Variants in PPP1R3E observed in about 807,000 individuals in gnomAD.
PPP1R3E encodes the protein protein phosphatase 1 regulatory subunit 3E.
PPP1R3E carries 20 observed loss-of-function variants against 18.5 expected under a neutral mutation model. The observed-to-expected ratio is 1.08, with a 90% CI of 0.76 to 1.58. The LOEUF (loss-of-function observed/expected upper bound fraction) is 1.58, where lower values mean the gene tolerates loss of function less well. Among genes scored for constraint, PPP1R3E ranks in the 40% most tolerant of loss-of-function variants. The pLI, the probability that PPP1R3E is intolerant of heterozygous loss-of-function variation, is 0.00. For synonymous variants in PPP1R3E, 208 were observed against 208.1 expected (o/e 1.00, Z 0.00); for missense variants, 498 against 460.2 (o/e 1.08, Z -0.75).
At position 23,297,754 on chromosome 14, in the gene PPP1R3E, T is replaced by A. The variant is rs1886916563; in HGVS notation, c.*1550A>T. The A allele has an allele frequency of 6.6e-6, 1 of 152,202 alleles. No homozygotes were observed. The allele number at this position is 152,202 out of a possible 1,614,324, so 9.4% of individuals were successfully genotyped here. A position where few individuals can be genotyped will look rare whatever the true frequency, so the allele number is the denominator to read the frequency against. ...GGCAACTAACAGCTTACCGAAGCCC[T>A]GGGGCAGCTTGATATGGGAATAATC... On this transcript the variant is annotated 3_prime_UTR_variant, in exon 5 of 5. Coordinates refer to ENST00000452015, the MANE Select transcript of PPP1R3E (RefSeq NM_001276318.2).
chr14:23,302,326 G>T lies in PPP1R3E; in HGVS notation c.251C>A (p.Thr84Asn). ...ARAPRSRSPD[T>N]RKRVRFADAL... ...GTCGGCGAAACGCACTCTCTTGCGGGTGTCTGGGCTACGGCTGCGGGGCGC... is the reference window on the plus strand; with the variant it reads ...GTCGGCGAAACGCACTCTCTTGCGGTTGTCTGGGCTACGGCTGCGGGGCGC... The change falls in exon 1 of 5, where the codon ACC becomes AAC. Residue 84 changes from threonine (T) to asparagine (N), a missense_variant. Coordinates refer to ENST00000452015, the MANE Select transcript of PPP1R3E (RefSeq NM_001276318.2). The T allele has an allele frequency of 6.6e-7, 1 of 1,514,046 alleles. No individual in the cohort carries two copies. The highest frequency in any genetic ancestry group is 8.8e-7 in the Non-Finnish European group (1 of 1,139,490). The allele number at this position is 1,514,046 out of a possible 1,614,324, so 93.8% of individuals were successfully genotyped here.
rs1434483275 is a variant in PPP1R3E, at chr14:23,302,605, C to A, written c.-29G>T. On this transcript the variant is annotated 5_prime_UTR_variant, in exon 1 of 5. Coordinates refer to ENST00000452015, the MANE Select transcript of PPP1R3E (RefSeq NM_001276318.2). ...AGCCCCTTCCCCGGCGGGGCCAGCT[C>A]GCAGCGCCACCGCGCTCCCCTCTCT... 6.4e-6 allele frequency: 9 copies of A among 1,401,292 alleles called. No homozygotes were observed. The highest frequency in any genetic ancestry group is 8.3e-6 in the Non-Finnish European group (9 of 1,087,536). The allele number at this position is 1,401,292 out of a possible 1,614,324, so 86.8% of individuals were successfully genotyped here. A position where few individuals can be genotyped will look rare whatever the true frequency, so the allele number is the denominator to read the frequency against.
At chr14:23,301,888 G>T (rs1347946208) in intron 1 of PPP1R3E, 30 bp from the exon 2 acceptor site, 3 of 1,413,588 alleles carry the variant, frequency 2.1e-6, no homozygotes, top group Non-Finnish European at 2.7e-6. Context: ...GGAGGAGGGA[G>T]CCCAGGGCGG....
At position 23,301,348 on chromosome 14, in the gene PPP1R3E, G is replaced by C; in HGVS notation, c.*88C>G. 1.9e-6 allele frequency: 2 copies of C among 1,053,190 alleles called. No individual in the cohort carries two copies. Among genetic ancestry groups the C allele is most frequent in the Non-Finnish European group, 2.3e-6 (2 of 869,900 alleles). The allele number at this position is 1,053,190 out of a possible 1,614,324, so 65.2% of individuals were successfully genotyped here. ...CCCTTGGACCGCTCCCGCCAATCCT[G>C]GTCTCTCCTACTCCTCCCCGCCACA... On this transcript the variant is annotated 3_prime_UTR_variant, in exon 2 of 5. Coordinates refer to ENST00000452015, the MANE Select transcript of PPP1R3E (RefSeq NM_001276318.2).
chr14:23,301,373 A>G lies in PPP1R3E; in HGVS notation c.*63T>C. 1.6e-6 allele frequency: 2 copies of G among 1,247,594 alleles called. No individual in the cohort carries two copies. Among genetic ancestry groups the G allele is most frequent in the Non-Finnish European group, 2.0e-6 (2 of 988,506 alleles). The allele number at this position is 1,247,594 out of a possible 1,614,324, so 77.3% of individuals were successfully genotyped here. A position where few individuals can be genotyped will look rare whatever the true frequency, so the allele number is the denominator to read the frequency against. ...GGTCTCTCCTACTCCTCCCCGCCAC[A>G]TCGGGTCGCCCCGCCCCCGGGTGCC... On this transcript the variant is annotated 3_prime_UTR_variant, in exon 2 of 5. Coordinates refer to ENST00000452015, the MANE Select transcript of PPP1R3E (RefSeq NM_001276318.2).
At chr14:23,301,264 C>A (rs1440436272) in intron 2 of PPP1R3E, 34 bp downstream of exon 2, 2 of 132,970 alleles carry the variant, frequency 1.5e-5, no homozygotes, top group African/African-American at 2.9e-5. Context: ...CCCGCCCCCA[C>A]GCCCCCACGC....
rs1886929795 is a variant in PPP1R3E, at chr14:23,298,140, T to C, written c.*1164A>G. 6.6e-6 allele frequency: 1 copy of C among 152,132 alleles called. No homozygotes were observed. Among genetic ancestry groups the C allele is most frequent in the Non-Finnish European group, 1.5e-5 (1 of 68,068 alleles). The allele number at this position is 152,132 out of a possible 1,614,324, so 9.4% of individuals were successfully genotyped here. On this transcript the variant is annotated 3_prime_UTR_variant, in exon 5 of 5. Coordinates refer to ENST00000452015, the MANE Select transcript of PPP1R3E (RefSeq NM_001276318.2). ...AGGGGGGTCCTGTGCTGATCCTGCA[T>C]AGATGGGACACTGACACAGGAGACA...
Position 23,302,639 on chromosome 14 carries a change from C to T in PPP1R3E, c.-63G>A. On this transcript the variant is annotated 5_prime_UTR_variant, in exon 1 of 5. Transcript: ENST00000452015. ...ACCGCGCTCCCCTCTCTTCCTCTCTCCCGCCCGCCCCGCGTCAGCGCAGAA... is the reference window on the plus strand; with the variant it reads ...ACCGCGCTCCCCTCTCTTCCTCTCTTCCGCCCGCCCCGCGTCAGCGCAGAA... 1.5e-6 allele frequency: 2 copies of T among 1,369,544 alleles called. No homozygotes were observed. Among genetic ancestry groups the T allele is most frequent in the South Asian group, 3.3e-5 (2 of 61,212 alleles). 84.8% of individuals were successfully genotyped at this position (1,369,544 alleles called of 1,614,324 possible). A position where few individuals can be genotyped will look rare whatever the true frequency, so the allele number is the denominator to read the frequency against.
At position 23,301,672 on chromosome 14, in the gene PPP1R3E, G is replaced by T; in HGVS notation, c.604C>A (p.Arg202Ser). The change falls in exon 2 of 5, where the codon CGC becomes AGC. Residue 202 changes from arginine to serine, a missense_variant. Coordinates refer to ENST00000452015, the MANE Select transcript of PPP1R3E (RefSeq NM_001276318.2). ...CCGGCGTAGGCGGCTGGCGCCTCGC[G>T]TTGGCTCCGCCAGCCGTCGGCGCTC... is the stretch of plus-strand genomic sequence containing the variant. ...RWSADGWRSQ[R>S]EAPAAYAGPA... 4 of 1,319,098 alleles carry T rather than the reference G, an allele frequency of 3.0e-6. No individual in the cohort carries two copies. Among genetic ancestry groups the T allele is most frequent in the South Asian group, 2.1e-5 (1 of 46,818 alleles). The allele number at this position is 1,319,098 out of a possible 1,614,324, so 81.7% of individuals were successfully genotyped here. A position where few individuals can be genotyped will look rare whatever the true frequency, so the allele number is the denominator to read the frequency against.
Position 23,295,785 on chromosome 14 carries a change from T to C in PPP1R3E, c.*3519A>G. 1 of 156,774 alleles carries C rather than the reference T, an allele frequency of 6.4e-6. No homozygotes were observed. Among genetic ancestry groups the C allele is most frequent in the Non-Finnish European group, 1.4e-5 (1 of 70,754 alleles). 9.7% of individuals were successfully genotyped at this position (156,774 alleles called of 1,614,324 possible). A position where few individuals can be genotyped will look rare whatever the true frequency, so the allele number is the denominator to read the frequency against. On this transcript the variant is annotated 3_prime_UTR_variant, in exon 5 of 5. Transcript: ENST00000452015. ...TTTATAATAATTTAAGCAAACTTAT[T>C]AAATTTTTCTGGACACACACACACA...
At position 23,301,577 on chromosome 14, in the gene PPP1R3E, G is replaced by T; in HGVS notation, c.699C>A (p.Ala233=). The change falls in exon 2 of 5, where the codon GCC becomes GCA. Residue 233 remains alanine (A), a synonymous_variant. Transcript: ENST00000452015. The stretch of plus-strand genomic sequence containing the variant: ...CACGGTAGCGCAAGGCGAAGAGCAG[G>T]GCGCCCCCAATCGGCGGCGCGGGCA... ...FRLPAPPIGG[A]LLFALRYRVT... is the part of the protein sequence containing the mutation. 1 of 1,461,580 alleles carries T rather than the reference G, an allele frequency of 6.8e-7. No homozygotes were observed. Among genetic ancestry groups the T allele is most frequent in the Non-Finnish European group, 9.0e-7 (1 of 1,110,006 alleles). 90.5% of individuals were successfully genotyped at this position (1,461,580 alleles called of 1,614,324 possible). A position where few individuals can be genotyped will look rare whatever the true frequency, so the allele number is the denominator to read the frequency against.
At position 23,301,386 on chromosome 14, in the gene PPP1R3E, G is replaced by C. The variant is rs2138410915; in HGVS notation, c.*50C>G. On this transcript the variant is annotated 3_prime_UTR_variant, in exon 2 of 5. Transcript: ENST00000452015. ...CCTCCCCGCCACATCGGGTCGCCCCGCCCCCGGGTGCCTTTGGTGTTTTCC... is the reference window on the plus strand; with the variant it reads ...CCTCCCCGCCACATCGGGTCGCCCCCCCCCCGGGTGCCTTTGGTGTTTTCC... 1 of 1,313,194 alleles carries C rather than the reference G, an allele frequency of 7.6e-7. No individual in the cohort carries two copies. The highest frequency in any genetic ancestry group is 9.7e-7 in the Non-Finnish European group (1 of 1,029,712). 81.3% of individuals were successfully genotyped at this position (1,313,194 alleles called of 1,614,324 possible).
chr14:23,301,909 G>A, intron 1 of PPP1R3E, 51 bp from the exon 2 acceptor site: 1 of 1,393,652 alleles, frequency 7.2e-7, no homozygotes, highest in Non-Finnish European at 9.3e-7. Flanking sequence ...AGAGAGGGGA[G>A]AGACAGGGGG....
rs1886936979 is a variant in PPP1R3E at position 23,298,367 on chromosome 14, G to C, written c.*937C>G. On this transcript the variant is annotated 3_prime_UTR_variant, in exon 5 of 5. Transcript: ENST00000452015. The stretch of plus-strand genomic sequence containing the variant: ...ATCATGGTTACACAGAGGCTCTGGA[G>C]ATTCCCTGGGTTCACAATCCTACTT... 1 of 152,398 alleles carries C rather than the reference G, an allele frequency of 6.6e-6. No homozygotes were observed. The allele number at this position is 152,398 out of a possible 1,614,324, so 9.4% of individuals were successfully genotyped here.
rs974300842 is a variant in PPP1R3E at position 23,300,833 on chromosome 14, A to C, written c.*170T>G. 2.0e-5 allele frequency: 3 copies of C among 152,290 alleles called. No individual in the cohort carries two copies. Among genetic ancestry groups the C allele is most frequent in the African/African-American group, 4.8e-5 (2 of 41,444 alleles). The allele number at this position is 152,290 out of a possible 1,614,324, so 9.4% of individuals were successfully genotyped here. On this transcript the variant is annotated 3_prime_UTR_variant, in exon 3 of 5. Transcript: ENST00000452015. ...GAGGTGACAAGGGAATCCCGTCATA[A>C]TGCCAAGGACCAAGGAGCAGTGGCC... is the stretch of plus-strand genomic sequence containing the variant.
In PPP1R3E at chr14:23,302,778, C is replaced by G; in HGVS notation, c.-202G>C. 1 of 531,442 alleles carries G rather than the reference C, an allele frequency of 1.9e-6. No individual in the cohort carries two copies. Among genetic ancestry groups the G allele is most frequent in the East Asian group, 3.5e-5 (1 of 28,824 alleles). The allele number at this position is 531,442 out of a possible 1,614,324, so 32.9% of individuals were successfully genotyped here. A position where few individuals can be genotyped will look rare whatever the true frequency, so the allele number is the denominator to read the frequency against. ...CTCCTCTGTGACCACCCTTCCCTCC[C>G]TCTGGCCGTCAGCTTCCAGGGTCTT... is the stretch of plus-strand genomic sequence containing the variant. On this transcript the variant is annotated 5_prime_UTR_variant, in exon 1 of 5. Transcript: ENST00000452015.
chr14:23,299,306 G>A (rs369484134), intron 4 of PPP1R3E, 95 bp downstream of exon 4: 64 of 154,012 alleles, frequency 4.2e-4, no homozygotes, highest in African/African-American at 1.5e-3. Flanking sequence ...ACATGTGCAT[G>A]CCTGTCCCCT....
In PPP1R3E at chr14:23,302,428, C is replaced by G. The variant is rs994894312; in HGVS notation, c.149G>C (p.Gly50Ala). ...EEPGEGGTRF[G>A]ARSRAHAPSR... ...CGGTGCGTGAGCGCGGGATCGGGCC[C>G]CGAACCGCGTCCCGCCCTCGCCTGG... Residue 50 changes from glycine to alanine, a missense_variant, in exon 1 of 5, where the codon GGG (glycine) becomes GCG (alanine). Coordinates refer to ENST00000452015, the MANE Select transcript of PPP1R3E (RefSeq NM_001276318.2). 1.1e-5 allele frequency: 16 copies of G among 1,498,722 alleles called. 1 individual carries two copies. The highest frequency in any genetic ancestry group is 8.8e-5 in the Admixed American group (4 of 45,698). 92.8% of individuals were successfully genotyped at this position (1,498,722 alleles called of 1,614,324 possible).
chr14:23,301,255 CCGCCCCCACGCCCCCA>C (rs1309573348), intron 2 of PPP1R3E, 27 bp downstream of exon 2: 2 of 148,536 alleles, frequency 1.3e-5, no homozygotes, highest in Non-Finnish European at 2.9e-5. Context: ...CTCACTCCCC[CCGCCCCCACGCCCCCA>C]CGCCCCCACG....
Sources: allele counts gnomAD v4.1 joint callset, GRCh38; gene constraint gnomAD v4.1.1; transcripts MANE v1.5; gene names NCBI Gene and HGNC (gene_info 2026-07-23, HGNC 2026-07-21).